Variants in CABLES1 observed in about 807,000 individuals in gnomAD.
CABLES1 encodes Cdk5 and Abl enzyme substrate 1.
Under a neutral mutation model 57.8 loss-of-function variants are expected in CABLES1, and 36 were observed. That is an observed-to-expected ratio of 0.62 (90% CI 0.48 to 0.82). The LOEUF (loss-of-function observed/expected upper bound fraction) is 0.82, where lower values mean the gene tolerates loss of function less well. Among genes scored for constraint, CABLES1 ranks in the 40% least tolerant of loss-of-function variants. CABLES1 has a pLI of 0.00. For synonymous variants in CABLES1, 374 were observed against 363.0 expected (o/e 1.03, Z -0.35); for missense variants, 767 against 836.6 (o/e 0.92, Z 1.03).
At chr18:23,139,045 G>C (rs1162264280) in intron 1 of CABLES1, among the ~76,000 whole-genome samples, 1 of 151,962 alleles carries the variant, frequency 6.6e-6, no homozygotes, top group Non-Finnish European at 1.5e-5. Flanking sequence ...TCTGAAATCT[G>C]CCCTTTAAAA....
Position 23,201,626 on chromosome 18 carries a change from G to A in CABLES1, c.1010+7086G>A, listed in dbSNP as rs182221218. On this transcript the variant is annotated intron_variant, in intron 3 of 9. Coordinates refer to ENST00000256925, the MANE Select transcript of CABLES1 (RefSeq NM_001100619.3). ...TGCTTAATGACTCTCCAGATACAAGGTGCCCAATAATAAGGCAGTTCCTTA... is the reference window on the plus strand; with the variant it reads ...TGCTTAATGACTCTCCAGATACAAGATGCCCAATAATAAGGCAGTTCCTTA... 1.3e-3 allele frequency among the ~76,000 whole-genome samples: 201 copies of A among 152,312 alleles called. 2 individuals carry two copies. The highest frequency in any genetic ancestry group is 1.7e-3 in the Non-Finnish European group (118 of 68,034).
intron 1 of CABLES1, among the ~76,000 whole-genome samples, chr18:23,136,907 C>A (rs115481168): frequency 6.6e-6 from 1 of 152,210 alleles, no homozygotes; most frequent in Non-Finnish European, 1.5e-5. Context: ...CCGAGCCTCC[C>A]CACACGAGAT....
At position 23,252,988 on chromosome 18, in the gene CABLES1, C is replaced by G. The variant is rs756944411; in HGVS notation, c.1475C>G (p.Ser492Trp). 1.9e-6 allele frequency: 3 copies of G among 1,613,216 alleles called. No individual in the cohort carries two copies. Among genetic ancestry groups the G allele is most frequent in the Non-Finnish European group, 1.7e-6 (2 of 1,179,248 alleles). ...ACAGTGATTGACTACGTGAAGCCCT[C>G]GGATCTCAAGAAGGACATGAACGAG... ...MTTVIDYVKP[S>W]DLKKDMNETF... Residue 492 changes from serine (S) to tryptophan (W), a missense_variant, in exon 8 of 10, where the codon TCG becomes TGG. Physicochemically the swap from Ser to Trp is radical, Grantham distance 177. Transcript: ENST00000256925.
intron 1 of CABLES1, among the ~76,000 whole-genome samples, chr18:23,152,341 C>T (rs2144962893): frequency 6.6e-6 from 1 of 152,222 alleles, no homozygotes; most frequent in Non-Finnish European, 1.5e-5. Context: ...CCGTTACTGT[C>T]CTAATGGCTT....
chr18:23,175,431 G>A (rs898198110), intron 1 of CABLES1, among the ~76,000 whole-genome samples: 2 of 152,140 alleles, frequency 1.3e-5, no homozygotes, highest in South Asian at 2.1e-4. Context: ...CTGGCTTGCC[G>A]AAGGTCTTGG....
chr18:23,207,541 T>A (rs2047373034), intron 3 of CABLES1, among the ~76,000 whole-genome samples: 1 of 152,074 alleles, frequency 6.6e-6, no homozygotes, highest in Non-Finnish European at 1.5e-5. Flanking sequence ...GCCCCCTAGT[T>A]CCCATCAGAG....
intron 1 of CABLES1, among the ~76,000 whole-genome samples, chr18:23,171,090 C>A (rs1206171956): frequency 6.6e-6 from 1 of 152,238 alleles, no homozygotes; most frequent in Non-Finnish European, 1.5e-5. Context: ...GCCACTGCGC[C>A]CGGCCTGTTC....
intron 3 of CABLES1, among the ~76,000 whole-genome samples, chr18:23,203,475 AAG>A (rs1262618898): frequency 1.3e-5 from 2 of 151,900 alleles, no homozygotes; most frequent in Non-Finnish European, 2.9e-5. Flanking sequence ...AAAAAAAAGA[AAG>A]AAACACGTTA....
At chr18:23,231,083 G>A (rs1208637928) in intron 4 of CABLES1, among the ~76,000 whole-genome samples, 1 of 152,166 alleles carries the variant, frequency 6.6e-6, no homozygotes, top group East Asian at 1.9e-4. Context: ...GCAGTGGCCT[G>A]TAATTTAAAC....
At chr18:23,167,056 C>G (rs1262163438) in intron 1 of CABLES1, among the ~76,000 whole-genome samples, 4 of 152,180 alleles carry the variant, frequency 2.6e-5, no homozygotes, top group Non-Finnish European at 5.9e-5. Flanking sequence ...GAAATAGCAA[C>G]CGGATCACTC....
intron 1 of CABLES1, among the ~76,000 whole-genome samples, chr18:23,176,876 G>A (rs1351442964): frequency 6.6e-6 from 1 of 152,106 alleles, no homozygotes; most frequent in Non-Finnish European, 1.5e-5. Context: ...GAGACTCCAG[G>A]GAGCGTTTTA....
intron 4 of CABLES1, 134 bp from the exon 5 acceptor site, chr18:23,234,474 C>T (rs780861879): frequency 2.4e-4 from 162 of 678,828 alleles, no homozygotes; most frequent in East Asian, 9.3e-4. Context: ...AGAGGGACAA[C>T]GGGCTGTCCC....
At position 23,136,385 on chromosome 18, in the gene CABLES1, TGGA is replaced by T. The variant is rs1256561268; in HGVS notation, c.630_632del (p.Glu210del). On this transcript the variant is annotated inframe_deletion, in exon 1 of 10. Transcript: ENST00000256925. ...TCCGGGGCCGCCGGGCAGGAGGAGT[TGGA>T]GGAGGACGATGCCTTTATCAGCGTG... The T allele has an allele frequency of 2.6e-6, 4 of 1,565,218 alleles. No individual in the cohort carries two copies. The highest frequency in any genetic ancestry group is 2.6e-6 in the Non-Finnish European group (3 of 1,158,016).
intron 1 of CABLES1, among the ~76,000 whole-genome samples, chr18:23,147,564 G>GT (rs1568042674): frequency 6.6e-6 from 1 of 152,200 alleles, no homozygotes; most frequent in Non-Finnish European, 1.5e-5. Context: ...TGCTCTGATC[G>GT]TGAGGAGCTG....
intron 1 of CABLES1, among the ~76,000 whole-genome samples, chr18:23,175,170 C>T (rs1309443047): frequency 6.6e-6 from 1 of 152,098 alleles, no homozygotes; most frequent in Non-Finnish European, 1.5e-5. Context: ...TCACTAAGAG[C>T]TTCTGGTTTT....
chr18:23,246,421 TTG>T (rs746596184), intron 7 of CABLES1, among the ~76,000 whole-genome samples: 5 of 152,192 alleles, frequency 3.3e-5, no homozygotes, highest in Admixed American at 2.0e-4. Flanking sequence ...AGACGGAGTC[TTG>T]CTCTGTCGCC....
chr18:23,171,305 T>G (rs1464863345), intron 1 of CABLES1, among the ~76,000 whole-genome samples: 1 of 152,214 alleles, frequency 6.6e-6, no homozygotes, highest in Admixed American at 6.5e-5. Context: ...AGGCAAGGCT[T>G]TTGCTCTAGT....
In CABLES1 at chr18:23,234,645, G is replaced by A. The variant is rs775391346; in HGVS notation, c.1126G>A (p.Ala376Thr). 16 of 1,613,934 alleles carry A rather than the reference G, an allele frequency of 9.9e-6. No homozygotes were observed. Among genetic ancestry groups the A allele is most frequent in the Non-Finnish European group, 1.4e-5 (16 of 1,179,844 alleles). ...GGACGGAGGAAGACAATCAACTGGT[G>A]CAGTGAGTTTGAAAGAGATCATTGG... is the stretch of plus-strand genomic sequence containing the variant. ...KLDGGRQSTGAVSLKEIIGLE... is the reference protein window; with the variant it reads ...KLDGGRQSTGTVSLKEIIGLE... Residue 376 changes from alanine to threonine, a missense_variant, in exon 5 of 10, where the codon GCA (alanine) becomes ACA (threonine). By Grantham distance (58) the Ala-to-Thr change is moderately conservative. Coordinates refer to ENST00000256925, the MANE Select transcript of CABLES1 (RefSeq NM_001100619.3).
intron 7 of CABLES1, 43 bp from the exon 8 acceptor site, chr18:23,252,917 C>G: frequency 7.6e-7 from 1 of 1,324,098 alleles, no homozygotes; most frequent in East Asian, 2.3e-5. Flanking sequence ...TTACATACGA[C>G]CCTTGTTTTA....
Sources: gnomAD v4.1 joint callset for allele counts (sites outside exome capture counted in the v4.1 genomes callset) on GRCh38, gnomAD v4.1.1 for gene constraint, MANE v1.5 for transcripts, NCBI Gene and HGNC (gene_info 2026-07-23, HGNC 2026-07-21) for gene names.